LRP1B: variants seen among roughly 807,000 people sequenced by gnomAD.
LRP1B encodes LDL receptor related protein 1B.
Under a neutral mutation model 556.6 loss-of-function variants are expected in LRP1B, and 217 were observed. That is an observed-to-expected ratio of 0.39 (90% CI 0.35 to 0.44). The LOEUF (loss-of-function observed/expected upper bound fraction) is 0.44, where lower values mean the gene tolerates loss of function less well. Among genes scored for constraint, LRP1B ranks in the 20% least tolerant of loss-of-function variants. The probability of loss-of-function intolerance (pLI) is 1.00; values close to 1 mark genes in which losing one functional copy is unlikely to be tolerated. For synonymous variants in LRP1B, 2,047 were observed against 1,865.8 expected (o/e 1.10, Z -2.50); for missense variants, 5,053 against 5,620.8 (o/e 0.90, Z 3.23).
Position 141,062,167 on chromosome 2 carries a change from C to G in LRP1B, c.1120G>C (p.Ala374Pro), listed in dbSNP as rs757868797. ...TTGTTGACTAGGTCTAGTGCCAGTG[C>G]AGCTGGCTGCTCTGTCTTTGAATCA... ...IIDSKTEQPA[A>P]LALDLVNKLV... The change falls in exon 8 of 91, where the codon GCA becomes CCA. Residue 374 changes from alanine to proline, a missense_variant. Physicochemically the swap from Ala to Pro is conservative, Grantham distance 27 (BLOSUM62 -1). Coordinates refer to ENST00000389484, the MANE Select transcript of LRP1B (RefSeq NM_018557.3). The G allele has an allele frequency of 1.2e-6, 2 of 1,611,912 alleles. No homozygotes were observed. The highest frequency in any genetic ancestry group is 1.7e-6 in the Non-Finnish European group (2 of 1,178,576).
chr2:141,478,717 G>GT (rs1173972102), intron 3 of LRP1B, among the ~76,000 whole-genome samples: 14 of 151,840 alleles, frequency 9.2e-5, no homozygotes, highest in Non-Finnish European at 1.5e-4. Context: ...CTAATTTTTT[G>GT]TTTTTTTAAT....
intron 1 of LRP1B, among the ~76,000 whole-genome samples, chr2:142,086,404 TAG>T (rs1705923803): frequency 6.6e-6 from 1 of 152,058 alleles, no homozygotes; most frequent in South Asian, 2.1e-4. Context: ...GGTCCAGAGA[TAG>T]AGACCATCCT....
At chr2:141,784,477 G>A (rs905508822) in intron 2 of LRP1B, among the ~76,000 whole-genome samples, 8 of 151,946 alleles carry the variant, frequency 5.3e-5, no homozygotes, top group Non-Finnish European at 1.0e-4. Context: ...TCCAATAAGA[G>A]TATTATATAT....
chr2:140,358,219 G>A (rs1682324977), intron 73 of LRP1B, 103 bp from the exon 74 acceptor site: 5 of 1,112,024 alleles, frequency 4.5e-6, no homozygotes, highest in Middle Eastern at 2.9e-4. Flanking sequence ...GAAAAACATG[G>A]GTTTACAATC....
intron 66 of LRP1B, among the ~76,000 whole-genome samples, chr2:140,391,536 C>CTATTAGAATTTAATTAAA (rs1684020043): frequency 6.6e-6 from 1 of 152,058 alleles, no homozygotes; most frequent in Admixed American, 6.6e-5. Context: ...ATTAAAATTA[C>CTATTAGAATTTAATTAAA]CTTGCTATTA....
At chr2:140,460,052 G>A (rs1558897444) in intron 60 of LRP1B, among the ~76,000 whole-genome samples, 1 of 152,136 alleles carries the variant, frequency 6.6e-6, no homozygotes, top group South Asian at 2.1e-4. Flanking sequence ...TTAGGGCAGT[G>A]TAAGAATGGA....
intron 35 of LRP1B, among the ~76,000 whole-genome samples, chr2:140,744,184 T>TCATTGCATTGCATTGATATACATATAC (rs1213549397): frequency 1.3e-5 from 2 of 152,132 alleles, no homozygotes; most frequent in Admixed American, 6.6e-5. Context: ...AAAACATATA[T>TCATTGCATTGCATTGATATACATATAC]CATTGCATTG....
intron 1 of LRP1B, among the ~76,000 whole-genome samples, chr2:141,955,258 A>T (rs987746597): frequency 1.3e-5 from 2 of 152,078 alleles, no homozygotes; most frequent in Admixed American, 6.6e-5. Flanking sequence ...GTCATTCATC[A>T]TCTCCCTGAA....
At chr2:140,591,863 G>A (rs1682241619) in intron 43 of LRP1B, among the ~76,000 whole-genome samples, 1 of 152,058 alleles carries the variant, frequency 6.6e-6, no homozygotes. Context: ...TGTAAATTGA[G>A]AGATGACTTT....
At chr2:141,556,192 T>C (rs1384661) in intron 2 of LRP1B, among the ~76,000 whole-genome samples, 56,092 of 151,642 alleles carry the variant, frequency 0.37, 10,920 homozygotes, top group Non-Finnish European at 0.44. Flanking sequence ...CTGCCAGGGT[T>C]ACATTAGGTA....
chr2:141,760,985 T>C (rs1331939167), intron 2 of LRP1B, among the ~76,000 whole-genome samples: 1 of 152,238 alleles, frequency 6.6e-6, no homozygotes, highest in Non-Finnish European at 1.5e-5. Flanking sequence ...ATTTTCTGTT[T>C]AGCACCTCTG....
intron 23 of LRP1B, among the ~76,000 whole-genome samples, chr2:140,886,751 G>A (rs986127012): frequency 6.6e-6 from 1 of 152,062 alleles, no homozygotes; most frequent in Non-Finnish European, 1.5e-5. Context: ...CAGATCCATA[G>A]AGGAGAACTA....
chr2:140,248,980 G>A (rs2104902846), intron 86 of LRP1B, among the ~76,000 whole-genome samples: 1 of 150,314 alleles, frequency 6.7e-6, no homozygotes, highest in South Asian at 2.1e-4. Context: ...GTCTACATGT[G>A]TGCAATTATT....
chr2:141,085,009 TCCC>T (rs1226112355), intron 7 of LRP1B, among the ~76,000 whole-genome samples: 1 of 152,064 alleles, frequency 6.6e-6, no homozygotes, highest in Non-Finnish European at 1.5e-5. Flanking sequence ...TCTTGCATTT[TCCC>T]CCCAATTTAT....
chr2:141,181,212 A>T (rs1680976304), intron 7 of LRP1B, among the ~76,000 whole-genome samples: 2 of 151,936 alleles, frequency 1.3e-5, no homozygotes, highest in Non-Finnish European at 2.9e-5. Flanking sequence ...ATGTTTCCAC[A>T]CAGGATCCCT....
At chr2:140,865,977 C>T (rs879746312) in intron 27 of LRP1B, among the ~76,000 whole-genome samples, 6 of 151,868 alleles carry the variant, frequency 4.0e-5, no homozygotes, top group Non-Finnish European at 5.9e-5. Flanking sequence ...CCAATGCAGG[C>T]GAATTAGACA....
intron 41 of LRP1B, among the ~76,000 whole-genome samples, chr2:140,639,197 T>C (rs1403951282): frequency 6.6e-6 from 1 of 152,178 alleles, no homozygotes; most frequent in Non-Finnish European, 1.5e-5. Context: ...ATAATCATAA[T>C]GTAAAAAATT....
intron 2 of LRP1B, among the ~76,000 whole-genome samples, chr2:141,610,835 G>A (rs992293766): frequency 2.0e-5 from 3 of 152,188 alleles, no homozygotes; most frequent in Non-Finnish European, 2.9e-5. Context: ...TAAGGAACAC[G>A]CTGCCTATTT....
intron 3 of LRP1B, among the ~76,000 whole-genome samples, chr2:141,328,405 G>A (rs1050292811): frequency 2.6e-5 from 4 of 152,174 alleles, no homozygotes; most frequent in East Asian, 1.9e-4. Flanking sequence ...CTGGTAAAAT[G>A]CACAAGAAAC....
Sources: allele counts gnomAD v4.1 joint callset (sites outside exome capture counted in the v4.1 genomes callset), GRCh38; gene constraint gnomAD v4.1.1; transcripts MANE v1.5; gene names NCBI Gene and HGNC (gene_info 2026-07-23, HGNC 2026-07-21).